The following SDK1 variants were observed in gnomAD, a reference collection of about 807,000 sequenced individuals.
SDK1 encodes protein sidekick-1.
SDK1 carries 157 observed loss-of-function variants against 245.5 expected under a neutral mutation model. That is an observed-to-expected ratio of 0.64 (90% CI 0.56 to 0.73). The LOEUF (loss-of-function observed/expected upper bound fraction) is 0.73, where lower values mean the gene tolerates loss of function less well. Ranked by LOEUF, SDK1 falls within the 30% of genes least tolerant of loss-of-function variation. The pLI is 0.00. For missense variants in SDK1, 3,583 were observed against 3,002.3 expected (o/e 1.19, Z -4.52); for synonymous variants, 1,647 against 1,278.5 (o/e 1.29, Z -6.15).
In SDK1 at chr7:3,729,958, AT is replaced by A. The variant is rs559856117; in HGVS notation, c.713+87857del. Among the ~76,000 whole-genome samples the A allele has an allele frequency of 5.5e-4, 84 of 152,170 alleles. 2 individuals are homozygous for A. In the South Asian group the frequency reaches 0.017, roughly 31 times the overall value. Reference sequence around the variant, plus strand: ...TAGTAACATATCTCGAGTAATTTTCATTTTGTTGAACATAACATTTGGAAAA... The same window carrying A: ...TAGTAACATATCTCGAGTAATTTTCATTTGTTGAACATAACATTTGGAAAA... On this transcript the variant is annotated intron_variant, in intron 4 of 44. Transcript: ENST00000404826.
At chr7:3,365,220 A>G (rs1331387989) in intron 1 of SDK1, among the ~76,000 whole-genome samples, 2 of 152,228 alleles carry the variant, frequency 1.3e-5, no homozygotes, top group Non-Finnish European at 2.9e-5. Context: ...ATTGTTTGCT[A>G]GAGAATGGTG....
In SDK1 at chr7:4,268,820, C is replaced by G; in HGVS notation, c.*3436C>G. 8.8e-7 allele frequency: 1 copy of G among 1,140,038 alleles called. No homozygotes were observed. Among genetic ancestry groups the G allele is most frequent in the South Asian group, 1.2e-5 (1 of 83,290 alleles). 70.6% of individuals were successfully genotyped at this position (1,140,038 alleles called of 1,614,324 possible). On this transcript the variant is annotated 3_prime_UTR_variant, in exon 45 of 45. Coordinates refer to ENST00000404826, the MANE Select transcript of SDK1 (RefSeq NM_152744.4). The stretch of plus-strand genomic sequence containing the variant: ...GCTGAGCCTGCCCGCTGGGACACGT[C>G]TCCTTCCCGCGTCACCTTCTGGTTT...
chr7:4,072,917 T>C (rs940977287), intron 20 of SDK1, among the ~76,000 whole-genome samples: 2 of 152,202 alleles, frequency 1.3e-5, no homozygotes, highest in African/African-American at 4.8e-5. Flanking sequence ...CCCGAGTAAA[T>C]TGCCCATTGC....
At chr7:3,525,563 A>G (rs1783100080) in intron 1 of SDK1, among the ~76,000 whole-genome samples, 1 of 152,084 alleles carries the variant, frequency 6.6e-6, no homozygotes, top group Non-Finnish European at 1.5e-5. Flanking sequence ...TGTGTGTACA[A>G]CATCCTTCTG....
intron 1 of SDK1, among the ~76,000 whole-genome samples, chr7:3,307,466 T>G (rs187707296): frequency 1.1e-4 from 17 of 152,346 alleles, no homozygotes; most frequent in African/African-American, 3.6e-4. Context: ...TTACTACTCT[T>G]AGAGCTTCAT....
chr7:3,576,378 T>C (rs1301414016), intron 1 of SDK1, among the ~76,000 whole-genome samples: 2 of 152,064 alleles, frequency 1.3e-5, no homozygotes, highest in Admixed American at 6.6e-5. Flanking sequence ...GCAAGTGAGA[T>C]AAGCTGTGTG....
At chr7:3,971,268 G>C (rs1782465594) in intron 11 of SDK1, among the ~76,000 whole-genome samples, 198 bp from the exon 12 acceptor site, 1 of 152,136 alleles carries the variant, frequency 6.6e-6, no homozygotes, top group Non-Finnish European at 1.5e-5. Flanking sequence ...TGGGTTGACA[G>C]ACTGCTGCAA....
At chr7:3,624,798 C>T (rs560964238) in intron 2 of SDK1, among the ~76,000 whole-genome samples, 6 of 152,010 alleles carry the variant, frequency 3.9e-5, no homozygotes, top group Non-Finnish European at 7.4e-5. Context: ...GTAATCCCAG[C>T]ACTTTGGGAG....
At chr7:4,074,903 TA>T (rs1562770613) in intron 20 of SDK1, among the ~76,000 whole-genome samples, 6 of 85,482 alleles carry the variant, frequency 7.0e-5, no homozygotes, top group African/African-American at 4.3e-4. Flanking sequence ...TATATATATA[TA>T]TATATATATA....
At chr7:4,251,447 T>G (rs574633381) in intron 44 of SDK1, among the ~76,000 whole-genome samples, 2 of 152,320 alleles carry the variant, frequency 1.3e-5, no homozygotes, top group African/African-American at 4.8e-5. Flanking sequence ...CAGAGAGCTG[T>G]GAGGACACAT....
At chr7:3,824,895 C>G (rs2115064607) in intron 5 of SDK1, among the ~76,000 whole-genome samples, 1 of 152,278 alleles carries the variant, frequency 6.6e-6, no homozygotes, top group East Asian at 1.9e-4. Flanking sequence ...TTTCTCCCCT[C>G]TTGCGTGGTT....
intron 13 of SDK1, among the ~76,000 whole-genome samples, chr7:3,983,016 T>G (rs1783537077): frequency 6.6e-6 from 1 of 152,060 alleles, no homozygotes; most frequent in African/African-American, 2.4e-5. Flanking sequence ...GAATTAGAGG[T>G]GGATCCTGAA....
chr7:4,082,484 G>A (rs1221512730), intron 22 of SDK1, among the ~76,000 whole-genome samples: 3 of 149,290 alleles, frequency 2.0e-5, no homozygotes, highest in African/African-American at 7.4e-5. Context: ...GCAGTGAGCT[G>A]AGATCATGCC....
intron 1 of SDK1, among the ~76,000 whole-genome samples, chr7:3,307,379 G>A (rs1779442919): frequency 6.6e-6 from 1 of 152,134 alleles, no homozygotes; most frequent in Admixed American, 6.5e-5. Flanking sequence ...GTGAATCCCT[G>A]AAATGCAAAA....
chr7:3,552,465 C>G (rs1001206524), intron 1 of SDK1, among the ~76,000 whole-genome samples: 1 of 152,184 alleles, frequency 6.6e-6, no homozygotes, highest in Non-Finnish European at 1.5e-5. Context: ...TCACCTACCT[C>G]TTCTCCCTCT....
intron 4 of SDK1, among the ~76,000 whole-genome samples, chr7:3,653,344 G>T (rs546539636): frequency 6.6e-6 from 1 of 152,136 alleles, no homozygotes. Context: ...AAACTCGGTT[G>T]TCACTTGGGG....
At chr7:3,392,873 A>C (rs1333194931) in intron 1 of SDK1, among the ~76,000 whole-genome samples, 1 of 151,322 alleles carries the variant, frequency 6.6e-6, no homozygotes, top group African/African-American at 2.4e-5. Context: ...GTTGATGGAC[A>C]CTTGGGTTGT....
chr7:3,350,825 T>C (rs907536921), intron 1 of SDK1, among the ~76,000 whole-genome samples: 1 of 152,194 alleles, frequency 6.6e-6, no homozygotes, highest in Non-Finnish European at 1.5e-5. Flanking sequence ...CTGAAAAAAA[T>C]TAGTAGGACT....
At chr7:3,420,525 C>G (rs543825373) in intron 1 of SDK1, among the ~76,000 whole-genome samples, 6 of 152,124 alleles carry the variant, frequency 3.9e-5, no homozygotes, top group African/African-American at 1.4e-4. Flanking sequence ...TTTGCTTTAT[C>G]ATAGCTCTAA....
Sources: gnomAD v4.1 joint callset for allele counts (sites outside exome capture counted in the v4.1 genomes callset) on GRCh38, gnomAD v4.1.1 for gene constraint, MANE v1.5 for transcripts, NCBI Gene and HGNC (gene_info 2026-07-23, HGNC 2026-07-21) for gene names.